Variants in IQGAP1 observed in about 807,000 individuals in gnomAD.
IQGAP1 encodes the protein ras GTPase-activating-like protein IQGAP1.
IQGAP1 carries 66 observed loss-of-function variants against 215.6 expected under a neutral mutation model. The ratio of observed to expected loss-of-function variants is 0.31; its 90% confidence interval spans 0.25 to 0.38. The LOEUF (loss-of-function observed/expected upper bound fraction) is 0.38. IQGAP1 is among the 10% of genes least tolerant of loss of function. IQGAP1 has a pLI of 1.00. For synonymous variants in IQGAP1, 772 were observed against 728.7 expected (o/e 1.06, Z -0.96); for missense variants, 1,712 against 1,997.1 (o/e 0.86, Z 2.72).
chr15:90,443,274 G>A (rs1335433605), intron 8 of IQGAP1, 120 bp from the exon 9 acceptor site: 157 of 572,940 alleles, frequency 2.7e-4, no homozygotes, highest in South Asian at 4.3e-4. Flanking sequence ...TCTTTATAAA[G>A]GGTCTTAAGC....
chr15:90,453,625 A>AACAAGATCT (rs1965639327), intron 13 of IQGAP1, among the ~76,000 whole-genome samples: 1 of 152,172 alleles, frequency 6.6e-6, no homozygotes, highest in African/African-American at 2.4e-5. Context: ...TTTTGTTGAA[A>AACAAGATCT]ACAAGATCTA....
chr15:90,479,251 TAATG>T (rs1022493230), intron 26 of IQGAP1, among the ~76,000 whole-genome samples: 20 of 152,318 alleles, frequency 1.3e-4, no homozygotes, highest in African/African-American at 2.9e-4. Flanking sequence ...AAGATTTTCT[TAATG>T]AAGGAAGTAA....
At chr15:90,442,885 T>C (rs1035933704) in intron 8 of IQGAP1, among the ~76,000 whole-genome samples, 1 of 151,434 alleles carries the variant, frequency 6.6e-6, no homozygotes, top group African/African-American at 2.4e-5. Context: ...AGCAAGAGAA[T>C]CACGTGAACC....
intron 9 of IQGAP1, among the ~76,000 whole-genome samples, chr15:90,444,117 C>T (rs1233090674): frequency 6.6e-6 from 1 of 151,284 alleles, no homozygotes; most frequent in Non-Finnish European, 1.5e-5. Flanking sequence ...TTTTGTTTTT[C>T]CTTTAAAGAA....
chr15:90,492,441 A>AAAAAG, intron 34 of IQGAP1, 104 bp from the exon 35 acceptor site: 1 of 667,920 alleles, frequency 1.5e-6, no homozygotes, highest in Non-Finnish European at 2.3e-6. Context: ...AAAAAAAAAA[A>AAAAAG]GTAGGTAGTC....
intron 18 of IQGAP1, among the ~76,000 whole-genome samples, chr15:90,470,099 A>G (rs1396533132): frequency 6.6e-6 from 1 of 152,196 alleles, no homozygotes; most frequent in Non-Finnish European, 1.5e-5. Context: ...CTAAGAATTT[A>G]AACAGGGAAG....
At chr15:90,455,673 G>A (rs16944453) in intron 14 of IQGAP1, among the ~76,000 whole-genome samples, 25,362 of 152,228 alleles carry the variant, frequency 0.17, 2,809 homozygotes, top group East Asian at 0.46. Flanking sequence ...GGAGCCCTGC[G>A]CTTGGATCTT....
At chr15:90,428,300 C>T (rs954457480) in intron 3 of IQGAP1, among the ~76,000 whole-genome samples, 9 of 152,036 alleles carry the variant, frequency 5.9e-5, no homozygotes, top group African/African-American at 2.2e-4. Flanking sequence ...TGGTCTCCAA[C>T]TCCTGGGCTT....
At chr15:90,490,827 G>T (rs1416804966) in intron 33 of IQGAP1, among the ~76,000 whole-genome samples, 2 of 151,942 alleles carry the variant, frequency 1.3e-5, no homozygotes, top group Admixed American at 6.6e-5. Context: ...TTGTTTTTTT[G>T]AGACGGAGTC....
intron 15 of IQGAP1, 110 bp from the exon 16 acceptor site, chr15:90,465,891 T>G: frequency 1.2e-6 from 1 of 848,578 alleles, no homozygotes; most frequent in Non-Finnish European, 2.0e-6. Context: ...TCATATTTTT[T>G]AAGCCTGTTC....
At chr15:90,455,748 A>G (rs1965670782) in intron 14 of IQGAP1, among the ~76,000 whole-genome samples, 1 of 152,204 alleles carries the variant, frequency 6.6e-6, no homozygotes, top group Middle Eastern at 3.2e-3. Flanking sequence ...TATTTCTTCT[A>G]TAAAAGTGTT....
At chr15:90,493,740 A>C (rs1480181629) in intron 35 of IQGAP1, among the ~76,000 whole-genome samples, 2 of 152,314 alleles carry the variant, frequency 1.3e-5, no homozygotes, top group Admixed American at 6.5e-5. Flanking sequence ...GGAAGGGATG[A>C]AAAACAGGCC....
In IQGAP1 at chr15:90,501,609, C is replaced by G. The variant is rs1966342541; in HGVS notation, c.*1501C>G. 1 of 152,146 alleles carries G rather than the reference C, an allele frequency of 6.6e-6. No individual in the cohort carries two copies. Among genetic ancestry groups the G allele is most frequent in the Non-Finnish European group, 1.5e-5 (1 of 68,038 alleles). 9.4% of individuals were successfully genotyped at this position (152,146 alleles called of 1,614,324 possible). A position where few individuals can be genotyped will look rare whatever the true frequency, so the allele number is the denominator to read the frequency against. ...ATTGGAGAAGTATTTTTATGAGACT[C>G]TTTACTCAGGTGCATGGTTACAGCC... On this transcript the variant is annotated 3_prime_UTR_variant, in exon 38 of 38. Coordinates refer to ENST00000268182, the MANE Select transcript of IQGAP1 (RefSeq NM_003870.4).
intron 2 of IQGAP1, among the ~76,000 whole-genome samples, chr15:90,396,337 A>G (rs1391962137): frequency 6.6e-6 from 1 of 152,216 alleles, no homozygotes; most frequent in African/African-American, 2.4e-5. Flanking sequence ...CAAAATGGGT[A>G]GGTGAGGTGA....
chr15:90,433,944 TG>T, intron 5 of IQGAP1, 149 bp downstream of exon 5: 1 of 462,836 alleles, frequency 2.2e-6, no homozygotes. Flanking sequence ...CCGAACAAAA[TG>T]GTGAGAAACA....
intron 30 of IQGAP1, among the ~76,000 whole-genome samples, chr15:90,485,196 C>G (rs1966109775): frequency 6.6e-6 from 1 of 152,106 alleles, no homozygotes; most frequent in African/African-American, 2.4e-5. Context: ...AATGAAATTT[C>G]AGGTTACTGT....
chr15:90,465,110 G>A (rs971194491), intron 15 of IQGAP1, among the ~76,000 whole-genome samples: 1 of 152,160 alleles, frequency 6.6e-6, no homozygotes, highest in African/African-American at 2.4e-5. Flanking sequence ...TTATATTTCT[G>A]TGTGAAAATT....
At chr15:90,496,120 C>T (rs1207680942) in intron 36 of IQGAP1, among the ~76,000 whole-genome samples, 2 of 151,618 alleles carry the variant, frequency 1.3e-5, no homozygotes, top group African/African-American at 4.9e-5. Context: ...ACCCGTGAGG[C>T]GTTCCAGTTG....
At chr15:90,398,854 A>G (rs1328151916) in intron 2 of IQGAP1, among the ~76,000 whole-genome samples, 1 of 151,980 alleles carries the variant, frequency 6.6e-6, no homozygotes, top group African/African-American at 2.4e-5. Flanking sequence ...AATACAAAAA[A>G]CATTAGTTGG....
Sources: allele counts gnomAD v4.1 joint callset (sites outside exome capture counted in the v4.1 genomes callset), GRCh38; gene constraint gnomAD v4.1.1; transcripts MANE v1.5; gene names NCBI Gene and HGNC (gene_info 2026-07-23, HGNC 2026-07-21).